Variants in FBXL17 observed in about 807,000 individuals in gnomAD.
FBXL17 encodes the protein F-box/LRR-repeat protein 17.
Under a neutral mutation model 66.2 loss-of-function variants are expected in FBXL17, and 22 were observed. The ratio of observed to expected loss-of-function variants is 0.33; its 90% CI spans 0.24 to 0.47. The LOEUF is 0.47. FBXL17 is among the 20% of genes least tolerant of loss of function. The pLI is 1.00. For missense variants in FBXL17, 878 were observed against 948.2 expected (o/e 0.93, Z 0.97); for synonymous variants, 474 against 400.5 (o/e 1.18, Z -2.19).
intron 6 of FBXL17, among the ~76,000 whole-genome samples, chr5:108,048,741 G>C (rs1321406493): frequency 6.6e-6 from 1 of 152,160 alleles, no homozygotes; most frequent in East Asian, 1.9e-4. Flanking sequence ...AGTAAGGCAT[G>C]CAGACAAGAT....
intron 7 of FBXL17, among the ~76,000 whole-genome samples, chr5:108,016,227 T>A (rs1280859907): frequency 6.6e-6 from 1 of 152,078 alleles, no homozygotes; most frequent in Non-Finnish European, 1.5e-5. Context: ...TGTTAAAAAG[T>A]CCCAGATCAG....
chr5:108,248,507 C>T (rs1316509685), intron 4 of FBXL17, among the ~76,000 whole-genome samples: 2 of 151,864 alleles, frequency 1.3e-5, no homozygotes, highest in Admixed American at 1.3e-4. Context: ...TCCAGAAAGA[C>T]AGGAGAAAGA....
intron 4 of FBXL17, among the ~76,000 whole-genome samples, chr5:108,249,107 A>C (rs947021078): frequency 1.3e-5 from 2 of 152,254 alleles, no homozygotes; most frequent in South Asian, 2.1e-4. Flanking sequence ...GGATGAGAAA[A>C]GTTCAAAGCC....
At chr5:107,892,299 AG>A (rs35830912) in intron 7 of FBXL17, among the ~76,000 whole-genome samples, 16,008 of 152,060 alleles carry the variant, frequency 0.11, 1,031 homozygotes, top group South Asian at 0.19. Context: ...AAAATCAGAA[AG>A]GGGTCTTGTT....
At chr5:108,207,719 T>C (rs1754184772) in intron 5 of FBXL17, among the ~76,000 whole-genome samples, 1 of 152,218 alleles carries the variant, frequency 6.6e-6, no homozygotes, top group Non-Finnish European at 1.5e-5. Context: ...ATCCAGTATA[T>C]TATTGATGGA....
At chr5:108,335,900 T>C (rs949079284) in intron 4 of FBXL17, among the ~76,000 whole-genome samples, 1 of 151,864 alleles carries the variant, frequency 6.6e-6, no homozygotes. Flanking sequence ...TAGAAAAAGA[T>C]ATTACTTCTA....
Position 107,947,778 on chromosome 5 carries a change from A to G in FBXL17, c.1823-66599T>C, listed in dbSNP as rs577239253. Among the ~76,000 whole-genome samples, 12 of 152,112 alleles carry G rather than the reference A, an allele frequency of 7.9e-5. 1 individual carries two copies. The South Asian group carries it at 2.5e-3, about 32-fold the overall frequency. On this transcript the variant is annotated intron_variant, in intron 7 of 8. Coordinates refer to ENST00000542267, the MANE Select transcript of FBXL17 (RefSeq NM_001163315.3). ...GAATAAAGAATAACTTCTCTGGTCA[A>G]CTCTAAAACGAGTGGCTTAGTAGAC...
rs540482667 is a variant in FBXL17 at position 108,075,715 on chromosome 5, GA to G, written c.1746-54715del. Among the ~76,000 whole-genome samples, 487 of 152,290 alleles carry G rather than the reference GA, an allele frequency of 3.2e-3. 3 individuals carry two copies. Among genetic ancestry groups the G allele is most frequent in the African/African-American group, 0.011 (462 of 41,574 alleles). On this transcript the variant is annotated intron_variant, in intron 6 of 8. Coordinates refer to ENST00000542267, the MANE Select transcript of FBXL17 (RefSeq NM_001163315.3). ...TGGTCTCGAACTCCTGATCTCAGGT[GA>G]TCTGCCCGCCTCGGCCTCCCAAAGT... is the stretch of plus-strand genomic sequence containing the variant.
In FBXL17 at chr5:108,057,336, G is replaced by A. The variant is rs377434025; in HGVS notation, c.1746-36335C>T. ...GTGTTGTGAAATTAATAGATTTAAT[G>A]ACATATCTTAAGCATGACAGAAGAA... On this transcript the variant is annotated intron_variant, in intron 6 of 8. Coordinates refer to ENST00000542267, the MANE Select transcript of FBXL17 (RefSeq NM_001163315.3). Among the ~76,000 whole-genome samples the A allele has an allele frequency of 3.2e-4, 49 of 152,264 alleles. No homozygotes were observed. The South Asian group carries it at 7.3e-3, about 23-fold the overall frequency.
At chr5:108,018,304 G>A (rs992064401) in intron 7 of FBXL17, among the ~76,000 whole-genome samples, 1 of 152,072 alleles carries the variant, frequency 6.6e-6, no homozygotes, top group Admixed American at 6.6e-5. Flanking sequence ...GAAGGAAAAG[G>A]GCATCTGCTT....
chr5:107,871,228 C>T (rs1272752312), intron 8 of FBXL17, among the ~76,000 whole-genome samples: 1 of 152,058 alleles, frequency 6.6e-6, no homozygotes, highest in Non-Finnish European at 1.5e-5. Context: ...TATGCTCTGT[C>T]AATATCACAA....
At position 108,043,914 on chromosome 5, in the gene FBXL17, T is replaced by A. The variant is rs140310645; in HGVS notation, c.1746-22913A>T. 9.8e-5 allele frequency among the ~76,000 whole-genome samples: 15 copies of A among 152,330 alleles called. No individual in the cohort carries two copies. The East Asian group carries it at 2.9e-3, about 29-fold the overall frequency. On this transcript the variant is annotated intron_variant, in intron 6 of 8. Coordinates refer to ENST00000542267, the MANE Select transcript of FBXL17 (RefSeq NM_001163315.3). ...TATAATTTCTGGCATACAATCCCTATACAAGTTTTCATTGGTTTACTTCTT... is the reference window on the plus strand; with the variant it reads ...TATAATTTCTGGCATACAATCCCTAAACAAGTTTTCATTGGTTTACTTCTT...
chr5:108,242,110 C>A (rs887161808), intron 4 of FBXL17, among the ~76,000 whole-genome samples: 2 of 152,050 alleles, frequency 1.3e-5, no homozygotes, highest in Non-Finnish European at 1.5e-5. Flanking sequence ...TAAGTACATA[C>A]AAAAACACAG....
intron 7 of FBXL17, among the ~76,000 whole-genome samples, chr5:107,895,301 C>T (rs13189604): frequency 0.38 from 57,620 of 151,812 alleles, 12,531 homozygotes; most frequent in Admixed American, 0.52. Context: ...AACAACATGG[C>T]TAAATAGTAA....
chr5:108,029,838 AT>A (rs1754965844), intron 6 of FBXL17, among the ~76,000 whole-genome samples: 1 of 151,952 alleles, frequency 6.6e-6, no homozygotes, highest in African/African-American at 2.4e-5. Flanking sequence ...GTTCAAGTAA[AT>A]GCTATAGGAT....
intron 5 of FBXL17, among the ~76,000 whole-genome samples, chr5:108,210,181 A>C (rs1315883091): frequency 2.0e-5 from 3 of 151,716 alleles, no homozygotes; most frequent in African/African-American, 7.3e-5. Flanking sequence ...TTTTTATTGC[A>C]TCTATTTGAT....
chr5:108,110,030 G>A (rs1365212178), intron 6 of FBXL17, among the ~76,000 whole-genome samples: 1 of 151,928 alleles, frequency 6.6e-6, no homozygotes, highest in Non-Finnish European at 1.5e-5. Context: ...TCTCTTCTAG[G>A]TTACAGGTAA....
intron 6 of FBXL17, among the ~76,000 whole-genome samples, chr5:108,132,362 C>T (rs151085757): frequency 6.6e-6 from 1 of 152,208 alleles, no homozygotes; most frequent in African/African-American, 2.4e-5. Flanking sequence ...TAGTAATGAC[C>T]ACAATAGACC....
Position 107,988,594 on chromosome 5 carries a change from T to A in FBXL17, c.1822+32331A>T, listed in dbSNP as rs375682054. Among the ~76,000 whole-genome samples the A allele has an allele frequency of 1.2e-4, 18 of 152,146 alleles. No individual in the cohort carries two copies. The East Asian group carries it at 1.4e-3, about 11-fold the overall frequency. Reference sequence around the variant, plus strand: ...TAAATTAAATATTATTTACCACATATAAGTGAAACATCAAAGATCCAAATA... The same window carrying A: ...TAAATTAAATATTATTTACCACATAAAAGTGAAACATCAAAGATCCAAATA... On this transcript the variant is annotated intron_variant, in intron 7 of 8. Transcript: ENST00000542267.
Sources: gnomAD v4.1 joint callset for allele counts (sites outside exome capture counted in the v4.1 genomes callset) on GRCh38, gnomAD v4.1.1 for gene constraint, MANE v1.5 for transcripts, NCBI Gene and HGNC (gene_info 2026-07-23, HGNC 2026-07-21) for gene names.